Variants in DCDC1 observed in about 807,000 individuals in gnomAD.
DCDC1 encodes doublecortin domain-containing protein 1.
A neutral mutation model predicts 178.3 loss-of-function variants in DCDC1; 200 were observed. The ratio of observed to expected loss-of-function variants is 1.12; its 90% CI spans 1.00 to 1.26. The LOEUF (loss-of-function observed/expected upper bound fraction) is 1.26, where lower values mean the gene tolerates loss of function less well. Ranked by LOEUF, DCDC1 falls within the 50% of genes most tolerant of loss-of-function variation. DCDC1 has a pLI of 0.00. For synonymous variants in DCDC1, 690 were observed against 604.8 expected (o/e 1.14, Z -2.07); for missense variants, 1,983 against 1,749.2 (o/e 1.13, Z -2.38).
chr11:31,286,013 A>C (rs2137336395), intron 7 of DCDC1, among the ~76,000 whole-genome samples: 1 of 152,254 alleles, frequency 6.6e-6, no homozygotes. Flanking sequence ...CTACATGAGA[A>C]GTACAGGAGA....
At chr11:30,940,970 T>C (rs559090349) in intron 21 of DCDC1, among the ~76,000 whole-genome samples, 14 of 152,354 alleles carry the variant, frequency 9.2e-5, no homozygotes, top group East Asian at 3.9e-4. Context: ...ATTTTCATTA[T>C]GCTTTCTTCT....
chr11:31,220,183 CAAAAT>C (rs1227494684), intron 9 of DCDC1, among the ~76,000 whole-genome samples: 2 of 152,094 alleles, frequency 1.3e-5, no homozygotes, highest in Non-Finnish European at 2.9e-5. Flanking sequence ...ATTCATACCA[CAAAAT>C]AAAACACTCA....
At chr11:31,219,909 T>A (rs1974050845) in intron 9 of DCDC1, among the ~76,000 whole-genome samples, 1 of 152,134 alleles carries the variant, frequency 6.6e-6, no homozygotes, top group South Asian at 2.1e-4. Flanking sequence ...GTTAGTTAAC[T>A]TGCCTAAGAC....
At chr11:31,107,061 C>A in intron 12 of DCDC1, 101 bp from the exon 13 acceptor site, 1 of 611,690 alleles carries the variant, frequency 1.6e-6, no homozygotes, top group Non-Finnish European at 2.9e-6. Context: ...AAATGAAGTC[C>A]AAACAAATGA....
rs1170544274 is a variant in DCDC1 at position 31,319,302 on chromosome 11, T to C, written c.164+8815A>G. On this transcript the variant is annotated intron_variant, in intron 3 of 38. Transcript: ENST00000684477. Reference sequence around the variant, plus strand: ...TAATGTGTGGGAGTCTAAGTCTCTTTGTAGGTCACTGAGGACTTGCTTTAT... The same window carrying C: ...TAATGTGTGGGAGTCTAAGTCTCTTCGTAGGTCACTGAGGACTTGCTTTAT... Among the ~76,000 whole-genome samples, 2 of 40,082 alleles carry C rather than the reference T, an allele frequency of 5.0e-5. 1 individual carries two copies. Among genetic ancestry groups the C allele is most frequent in the Non-Finnish European group, 8.2e-5 (2 of 24,344 alleles). The allele number at this position is 40,082 out of a possible 152,430, so 26.3% of individuals were successfully genotyped here.
intron 17 of DCDC1, among the ~76,000 whole-genome samples, chr11:31,086,255 G>A (rs1229204926): frequency 6.6e-6 from 1 of 152,052 alleles, no homozygotes; most frequent in African/African-American, 2.4e-5. Flanking sequence ...CACCAATACT[G>A]GTATGGTCAA....
At chr11:31,292,847 GAA>G (rs11340351) in intron 6 of DCDC1, among the ~76,000 whole-genome samples, 28 of 150,658 alleles carry the variant, frequency 1.9e-4, no homozygotes, top group South Asian at 4.2e-4. Flanking sequence ...ATTTCTCTGG[GAA>G]AAAAAAAAAT....
intron 9 of DCDC1, among the ~76,000 whole-genome samples, chr11:31,151,995 T>A (rs932200053): frequency 6.6e-6 from 1 of 152,244 alleles, no homozygotes; most frequent in Non-Finnish European, 1.5e-5. Flanking sequence ...GTAATGGACA[T>A]GTTAATTCAC....
intron 6 of DCDC1, among the ~76,000 whole-genome samples, chr11:31,294,625 G>A (rs1230650287): frequency 1.1e-4 from 1 of 8,770 alleles, no homozygotes; most frequent in Non-Finnish European, 2.4e-4. Flanking sequence ...GGAGGGGAGG[G>A]GAGGGAGGGA....
chr11:31,142,950 G>A (rs143458862), intron 9 of DCDC1, among the ~76,000 whole-genome samples: 11 of 152,182 alleles, frequency 7.2e-5, no homozygotes, highest in African/African-American at 9.6e-5. Flanking sequence ...CAAATTGATC[G>A]CACTTTCCCT....
At chr11:31,205,962 T>C (rs1345621448) in intron 9 of DCDC1, among the ~76,000 whole-genome samples, 2 of 152,182 alleles carry the variant, frequency 1.3e-5, no homozygotes, top group Non-Finnish European at 2.9e-5. Context: ...ATACCTACTA[T>C]GTACACATAA....
intron 9 of DCDC1, among the ~76,000 whole-genome samples, chr11:31,198,700 G>A (rs1183382078): frequency 1.3e-5 from 2 of 151,800 alleles, no homozygotes; most frequent in African/African-American, 2.4e-5. Context: ...TAGTCAATTA[G>A]AGTGGCCCCT....
intron 21 of DCDC1, 76 bp from the exon 22 acceptor site, chr11:30,932,028 C>A: frequency 7.2e-7 from 1 of 1,390,978 alleles, no homozygotes; most frequent in Non-Finnish European, 9.5e-7. Context: ...AAATATTAAA[C>A]ACAGTTTATA....
In DCDC1 at chr11:31,127,490, G is replaced by T. The variant is rs1172265599; in HGVS notation, c.1464C>A (p.Val488=). ...CCACCTTAAGCTGCAGGCCTCCTGG[G>T]ACAAGCGTGTTTGCTGGAAGGCTTT... ...HIKSLPANTL[V]PGGLQLKVFE... is the part of the protein sequence containing the mutation. The change falls in exon 11 of 39, where the codon GTC becomes GTA. Residue 488 remains valine (V), a synonymous_variant. Coordinates refer to ENST00000684477, the MANE Select transcript of DCDC1 (RefSeq NM_001387274.1). 1 of 702,552 alleles carries T rather than the reference G, an allele frequency of 1.4e-6. No homozygotes were observed. The allele number at this position is 702,552 out of a possible 1,614,324, so 43.5% of individuals were successfully genotyped here.
At chr11:31,289,236 G>C (rs1405612404) in intron 7 of DCDC1, among the ~76,000 whole-genome samples, 1 of 151,956 alleles carries the variant, frequency 6.6e-6, no homozygotes, top group African/African-American at 2.4e-5. Context: ...AGATTGAACT[G>C]AAGTGAACTC....
chr11:30,967,374 G>C (rs7107269), intron 20 of DCDC1, among the ~76,000 whole-genome samples: 3,215 of 152,122 alleles, frequency 0.021, 108 homozygotes, highest in African/African-American at 0.073. Context: ...AATTGTGAAT[G>C]GGAGTTCACT....
chr11:31,101,173 G>C (rs1428475708), intron 15 of DCDC1, among the ~76,000 whole-genome samples: 1 of 152,004 alleles, frequency 6.6e-6, no homozygotes, highest in Non-Finnish European at 1.5e-5. Flanking sequence ...CAATTGATAG[G>C]AAGTCCTACT....
chr11:30,931,324 T>C (rs1244562739), intron 22 of DCDC1, among the ~76,000 whole-genome samples: 5 of 152,128 alleles, frequency 3.3e-5, no homozygotes, highest in African/African-American at 1.2e-4. Context: ...CTATAAATTA[T>C]ATAAAGTTAT....
At chr11:31,267,900 A>G (rs1945278349) in intron 7 of DCDC1, among the ~76,000 whole-genome samples, 1 of 152,200 alleles carries the variant, frequency 6.6e-6, no homozygotes, top group Non-Finnish European at 1.5e-5. Flanking sequence ...GACTGGCAAA[A>G]TTCTCCTGTC....
Sources: allele counts gnomAD v4.1 joint callset (sites outside exome capture counted in the v4.1 genomes callset), GRCh38; gene constraint gnomAD v4.1.1; transcripts MANE v1.5; gene names NCBI Gene and HGNC (gene_info 2026-07-23, HGNC 2026-07-21).